The following PGK1 variants were observed in gnomAD, a reference collection of about 807,000 sequenced individuals.
The protein encoded by PGK1 is PRP 2.
In PGK1, 3 loss-of-function variants were observed where a neutral mutation model predicts 26.9. The observed-to-expected ratio is 0.11, with a 90% CI of 0.05 to 0.29. PGK1 has a LOEUF of 0.29. PGK1 is among the 10% of genes least tolerant of loss of function. PGK1 has a pLI of 1.00. For missense variants in PGK1, 270 were observed against 314.7 expected (o/e 0.86, Z 1.07); for synonymous variants, 125 against 115.3 (o/e 1.08, Z -0.54).
chrX:78,104,505 T>A (rs1216605189), intron 1 of PGK1, 100 bp downstream of exon 1: 1 of 685,218 alleles, frequency 1.5e-6, no homozygotes, highest in African/African-American at 2.1e-5. Flanking sequence ...TCTTTTAGCT[T>A]TTGGCTGGGC....
Position 78,126,428 on chromosome X carries a change from A to G in PGK1, c.*598A>G, listed in dbSNP as rs1258107394. ...AATGTCCATTCTTTATCAAGGGCCT[A>G]CTTTATGGCAGACATTGTGCTAGTG... On this transcript the variant is annotated 3_prime_UTR_variant, in exon 11 of 11. Transcript: ENST00000373316. The G allele has an allele frequency of 8.8e-6, 1 of 113,054 alleles. No individual in the cohort carries two copies. Among genetic ancestry groups the G allele is most frequent in the African/African-American group, 3.3e-5 (1 of 30,653 alleles). The allele number at this position is 113,054 out of a possible 1,213,427, so 9.3% of individuals were successfully genotyped here. A position where few individuals can be genotyped will look rare whatever the true frequency, so the allele number is the denominator to read the frequency against.
In PGK1 at chrX:78,129,031, C is replaced by G. The variant is rs2078395531; in HGVS notation, c.*3201C>G. On this transcript the variant is annotated 3_prime_UTR_variant, in exon 11 of 11. Transcript: ENST00000373316. Reference sequence around the variant, plus strand: ...CCTGGCTAACACGGTGAAACCCTGTCTCTACTAAAAATACAAAAAATTAGC... The same window carrying G: ...CCTGGCTAACACGGTGAAACCCTGTGTCTACTAAAAATACAAAAAATTAGC... The G allele has an allele frequency of 9.0e-6, 1 of 111,339 alleles. No individual in the cohort carries two copies. Among genetic ancestry groups the G allele is most frequent in the Non-Finnish European group, 1.9e-5 (1 of 53,088 alleles). The allele number at this position is 111,339 out of a possible 1,213,427, so 9.2% of individuals were successfully genotyped here. A position where few individuals can be genotyped will look rare whatever the true frequency, so the allele number is the denominator to read the frequency against.
At chrX:78,110,413 G>T (rs2078294600) in intron 2 of PGK1, among the ~76,000 whole-genome samples, 1 of 109,897 alleles carries the variant, frequency 9.1e-6, no homozygotes, top group South Asian at 4.0e-4. Context: ...TCCTGCCTTG[G>T]CTTCCTAAAG....
intron 6 of PGK1, 31 bp from the exon 7 acceptor site, chrX:78,122,800 CTTCT>C: frequency 1.2e-6 from 1 of 820,267 alleles, no homozygotes; most frequent in East Asian, 3.1e-5. Context: ...CTAGTCCATT[CTTCT>C]TTAAGTGATG....
At position 78,129,228 on chromosome X, in the gene PGK1, T is replaced by C. The variant is rs1046420836; in HGVS notation, c.*3398T>C. 1.1e-4 allele frequency: 11 copies of C among 103,415 alleles called. No individual in the cohort carries two copies. The highest frequency in any genetic ancestry group is 4.1e-4 in the African/African-American group (11 of 26,642). The allele number at this position is 103,415 out of a possible 1,213,427, so 8.5% of individuals were successfully genotyped here. On this transcript the variant is annotated 3_prime_UTR_variant, in exon 11 of 11. Coordinates refer to ENST00000373316, the MANE Select transcript of PGK1 (RefSeq NM_000291.4). The stretch of plus-strand genomic sequence containing the variant: ...GCATACCCATGTGTGTACCTATCTA[T>C]CTATCTATCTATCTATCTATCTATC...
In PGK1 at chrX:78,117,295, T is replaced by A; in HGVS notation, c.418-17T>A. The stretch of plus-strand genomic sequence containing the variant: ...CTTTGGAGCCATCACATTTTCTGTT[T>A]TTGTTTTTCTCTATAGGTTAAAGCC... On this transcript the variant is annotated splice_polypyrimidine_tract_variant and intron_variant, in intron 4 of 10. Coordinates refer to ENST00000373316, the MANE Select transcript of PGK1 (RefSeq NM_000291.4). The A allele has an allele frequency of 8.9e-7, 1 of 1,117,539 alleles. No homozygotes were observed. Among genetic ancestry groups the A allele is most frequent in the Non-Finnish European group, 1.2e-6 (1 of 809,781 alleles). 92.1% of individuals were successfully genotyped at this position (1,117,539 alleles called of 1,213,427 possible).
rs201252259 is a variant in PGK1, at chrX:78,117,028, GC to G, written c.418-283del. Among the ~76,000 whole-genome samples the G allele has an allele frequency of 8.8e-4, 99 of 111,874 alleles. No individual in the cohort carries two copies. The East Asian group carries it at 0.025, about 28-fold the overall frequency. On this transcript the variant is annotated intron_variant, in intron 4 of 10. Transcript: ENST00000373316. ...ACCTTGAGCTGAAGGCTGGGGAGAG[GC>G]TAGTGGGGTGTGGTTAACTTCATGT...
At chrX:78,109,748 T>G (rs2078290998) in intron 1 of PGK1, 119 bp from the exon 2 acceptor site, 1 of 569,323 alleles carries the variant, frequency 1.8e-6, no homozygotes, top group Non-Finnish European at 3.1e-6. Flanking sequence ...TTAATGCCAC[T>G]GATTATTTTT....
In PGK1 at chrX:78,125,058, G is replaced by C. The variant is rs2078375637; in HGVS notation, c.1114+7G>C. Reference sequence around the variant, plus strand: ...GGCTGCATCACCATCATAGGTAAGCGGTCCTATACAAAGCTAATACCCATA... The same window carrying C: ...GGCTGCATCACCATCATAGGTAAGCCGTCCTATACAAAGCTAATACCCATA... On this transcript the variant is annotated splice_region_variant and intron_variant, in intron 9 of 10. Transcript: ENST00000373316. 4 of 1,197,709 alleles carry C rather than the reference G, an allele frequency of 3.3e-6. No homozygotes were observed. Among genetic ancestry groups the C allele is most frequent in the Non-Finnish European group, 4.5e-6 (4 of 882,923 alleles).
intron 8 of PGK1, 22 bp from the exon 9 acceptor site, chrX:78,124,852 C>T: frequency 8.4e-7 from 1 of 1,194,181 alleles, no homozygotes. Flanking sequence ...AGCTCATCTT[C>T]TCTTTCACCT....
At chrX:78,115,561 G>C (rs1195446709) in intron 4 of PGK1, among the ~76,000 whole-genome samples, 1 of 111,599 alleles carries the variant, frequency 9.0e-6, no homozygotes, top group Non-Finnish European at 1.9e-5. Context: ...GGCTGAGGCA[G>C]GAGAATTGCT....
At chrX:78,124,751 G>A in intron 8 of PGK1, 123 bp from the exon 9 acceptor site, 1 of 576,613 alleles carries the variant, frequency 1.7e-6, no homozygotes. Flanking sequence ...TATAAAGACT[G>A]AAGGGTACTA....
chrX:78,112,498 G>C (rs2078306179), intron 2 of PGK1, among the ~76,000 whole-genome samples: 1 of 110,773 alleles, frequency 9.0e-6, no homozygotes, highest in Non-Finnish European at 1.9e-5. Context: ...ATAATGTAAT[G>C]AATGTGATAC....
At chrX:78,124,486 GGTT>G (rs1215141966) in intron 8 of PGK1, among the ~76,000 whole-genome samples, 1 of 110,536 alleles carries the variant, frequency 9.0e-6, no homozygotes, top group Non-Finnish European at 1.9e-5. Flanking sequence ...TGAATTGTAA[GGTT>G]GTTTAAAGCA....
intron 7 of PGK1, 30 bp from the exon 8 acceptor site, chrX:78,123,165 G>A: frequency 2.6e-6 from 3 of 1,139,681 alleles, no homozygotes; most frequent in Non-Finnish European, 3.6e-6. Context: ...TATAGATGCT[G>A]ACCTCCATCA....
intron 6 of PGK1, among the ~76,000 whole-genome samples, chrX:78,118,574 T>C (rs1019614310): frequency 7.4e-5 from 8 of 108,654 alleles, no homozygotes; most frequent in Non-Finnish European, 1.1e-4. Context: ...GCAAGACCGT[T>C]TCTAAATAAA....
rs1557245951 is a variant in PGK1 at position 78,104,450 on chromosome X, AACCTCTTTGGCCGG to A, written c.65+47_65+60del. The A allele has an allele frequency of 3.9e-6, 4 of 1,012,942 alleles. No homozygotes were observed. The South Asian group carries it at 7.7e-5, about 19-fold the overall frequency. The allele number at this position is 1,012,942 out of a possible 1,213,427, so 83.5% of individuals were successfully genotyped here. On this transcript the variant is annotated intron_variant, in intron 1 of 10. Transcript: ENST00000373316. Reference sequence around the variant, plus strand: ...CGCGTGCTCTCTGTGCTCTGTCGCAAACCTCTTTGGCCGGAGCCGACTTGTTCTCTCGTCTGCTC... The same window carrying A: ...CGCGTGCTCTCTGTGCTCTGTCGCAAAGCCGACTTGTTCTCTCGTCTGCTC...
chrX:78,112,722 A>T (rs2078307246), intron 2 of PGK1, among the ~76,000 whole-genome samples: 1 of 112,156 alleles, frequency 8.9e-6, no homozygotes, highest in African/African-American at 3.2e-5. Context: ...ATATCTCATG[A>T]TGATTTGCTA....
At chrX:78,112,948 C>T (rs1193638908) in intron 2 of PGK1, among the ~76,000 whole-genome samples, 3 of 111,869 alleles carry the variant, frequency 2.7e-5, no homozygotes, top group African/African-American at 6.5e-5. Flanking sequence ...AGACTCAGAT[C>T]CCAAGATTTT....
Sources: allele counts gnomAD v4.1 joint callset (sites outside exome capture counted in the v4.1 genomes callset), GRCh38; gene constraint gnomAD v4.1.1; transcripts MANE v1.5; gene names NCBI Gene and HGNC (gene_info 2026-07-23, HGNC 2026-07-21).